Variants in ADAM7 observed in about 807,000 individuals in gnomAD.
ADAM7 encodes disintegrin and metalloproteinase domain-containing protein 7.
ADAM7 carries 97 observed loss-of-function variants against 102.9 expected under a neutral mutation model. The observed-to-expected ratio is 0.94, with a 90% CI of 0.80 to 1.12. The LOEUF is 1.12. Ranked by LOEUF, ADAM7 falls within the 50% of genes most tolerant of loss-of-function variation. The probability of loss-of-function intolerance (pLI) is 0.00; values close to 1 mark genes in which losing one functional copy is unlikely to be tolerated. For missense variants in ADAM7, 991 were observed against 908.7 expected, an observed-to-expected ratio of 1.09 and a Z score of -1.16; for synonymous variants, 334 against 304.4, an observed-to-expected ratio of 1.10 and a Z score of -1.01.
At chr8:24,451,539 G>A (rs577530225) in intron 3 of ADAM7, among the ~76,000 whole-genome samples, 5 of 151,838 alleles carry the variant, frequency 3.3e-5, no homozygotes, top group Middle Eastern at 3.4e-3. Context: ...TTCTTCTCTC[G>A]TTTCTTCTTT....
Position 24,500,137 on chromosome 8 carries a change from A to T in ADAM7, c.1924-41A>T, listed in dbSNP as rs550478998. The T allele has an allele frequency of 5.5e-5, 85 of 1,558,454 alleles. No homozygotes were observed. In the South Asian group the frequency reaches 8.8e-4, roughly 16 times the overall value. Reference sequence around the variant, plus strand: ...GTAAGTGAGTTGCAGAACACAACTTATATCAGTCATTTGAGAATATATCAT... The same window carrying T: ...GTAAGTGAGTTGCAGAACACAACTTTTATCAGTCATTTGAGAATATATCAT... On this transcript the variant is annotated intron_variant, in intron 17 of 21. Transcript: ENST00000175238.
intron 20 of ADAM7, among the ~76,000 whole-genome samples, chr8:24,502,262 T>A (rs1820788378): frequency 6.6e-6 from 1 of 152,026 alleles, no homozygotes; most frequent in South Asian, 2.1e-4. Flanking sequence ...CATGCAGGTG[T>A]AGTAAAATCA....
chr8:24,467,087 T>G, intron 6 of ADAM7, 99 bp downstream of exon 6: 1 of 1,176,096 alleles, frequency 8.5e-7, no homozygotes, highest in Non-Finnish European at 1.2e-6. Context: ...GAAATATATG[T>G]GCTACTTTCA....
chr8:24,468,935 C>T (rs1030508378), intron 7 of ADAM7, 115 bp downstream of exon 7: 15 of 946,930 alleles, frequency 1.6e-5, no homozygotes, highest in Non-Finnish European at 2.3e-5. Context: ...GCTCAAAGTC[C>T]TATTTTTAGC....
At chr8:24,474,252 C>CAGAT (rs971189135) in intron 7 of ADAM7, among the ~76,000 whole-genome samples, 4 of 152,052 alleles carry the variant, frequency 2.6e-5, no homozygotes, top group African/African-American at 4.8e-5. Context: ...AAGCACTAAA[C>CAGAT]AGATAGGCTT....
chr8:24,495,991 G>A (rs1820539517), intron 16 of ADAM7, among the ~76,000 whole-genome samples: 2 of 152,202 alleles, frequency 1.3e-5, no homozygotes, highest in South Asian at 4.1e-4. Flanking sequence ...CATGTCACAG[G>A]TCTTCATAGC....
intron 3 of ADAM7, among the ~76,000 whole-genome samples, chr8:24,460,425 G>A (rs1436377521): frequency 6.6e-6 from 1 of 151,860 alleles, no homozygotes; most frequent in African/African-American, 2.4e-5. Context: ...GATTGGCATG[G>A]TTGGAATTAT....
Position 24,485,273 on chromosome 8 carries a change from A to G in ADAM7, c.876-4A>G. The G allele has an allele frequency of 1.9e-6, 3 of 1,611,972 alleles. No individual in the cohort carries two copies. The highest frequency in any genetic ancestry group is 2.2e-5 in the South Asian group (2 of 90,728). On this transcript the variant is annotated splice_region_variant and splice_polypyrimidine_tract_variant and intron_variant, in intron 9 of 21. Transcript: ENST00000175238. ...TGAAGACTATTTTTGCATCTTTTTCATAGTGGGAAGTGGCTCTACTCACAT... is the reference window on the plus strand; with the variant it reads ...TGAAGACTATTTTTGCATCTTTTTCGTAGTGGGAAGTGGCTCTACTCACAT...
chr8:24,501,687 G>A, intron 20 of ADAM7, 111 bp downstream of exon 20: 1 of 707,018 alleles, frequency 1.4e-6, no homozygotes, highest in South Asian at 2.3e-5. Context: ...AAGTGCAGAG[G>A]AGCAATTTAA....
intron 8 of ADAM7, among the ~76,000 whole-genome samples, chr8:24,476,844 T>C (rs1233037870): frequency 6.6e-6 from 1 of 152,152 alleles, no homozygotes; most frequent in Non-Finnish European, 1.5e-5. Flanking sequence ...TAACAAAAAG[T>C]CTTAAGTTAT....
intron 7 of ADAM7, among the ~76,000 whole-genome samples, chr8:24,473,986 T>C (rs556208985): frequency 6.6e-6 from 1 of 152,222 alleles, no homozygotes; most frequent in South Asian, 2.1e-4. Context: ...AAAGTATATT[T>C]ACCAAACTCC....
intron 16 of ADAM7, among the ~76,000 whole-genome samples, chr8:24,494,442 A>G (rs187559123): frequency 6.6e-6 from 1 of 151,740 alleles, no homozygotes; most frequent in African/African-American, 2.4e-5. Flanking sequence ...TCAGATACGA[A>G]AAACCAGCCT....
At chr8:24,479,843 G>T (rs557413661) in intron 8 of ADAM7, among the ~76,000 whole-genome samples, 14 of 152,290 alleles carry the variant, frequency 9.2e-5, no homozygotes, top group South Asian at 4.1e-4. Context: ...TTTTCTTAGG[G>T]TTCAGGCACA....
At chr8:24,460,091 A>T (rs1819186693) in intron 3 of ADAM7, among the ~76,000 whole-genome samples, 1 of 152,006 alleles carries the variant, frequency 6.6e-6, no homozygotes, top group Non-Finnish European at 1.5e-5. Flanking sequence ...TGATTTTTTT[A>T]AAATGTATCT....
chr8:24,477,339 T>G (rs749468852), intron 8 of ADAM7, among the ~76,000 whole-genome samples: 27 of 152,170 alleles, frequency 1.8e-4, no homozygotes, highest in Admixed American at 3.9e-4. Context: ...TCCTTGACAA[T>G]GGAGCATCTA....
chr8:24,481,097 A>G (rs2129387982), intron 8 of ADAM7, among the ~76,000 whole-genome samples: 1 of 151,526 alleles, frequency 6.6e-6, no homozygotes, highest in East Asian at 1.9e-4. Context: ...CAAACAAACA[A>G]TTCAGGGCCA....
chr8:24,448,651 A>C (rs1818655287), intron 3 of ADAM7, among the ~76,000 whole-genome samples: 1 of 116,716 alleles, frequency 8.6e-6, no homozygotes, highest in African/African-American at 3.4e-5. Context: ...AGTTTCATTC[A>C]GCTTGTTTAT....
chr8:24,444,098 G>A (rs1818467392), intron 2 of ADAM7, among the ~76,000 whole-genome samples: 1 of 151,210 alleles, frequency 6.6e-6, no homozygotes, highest in Non-Finnish European at 1.5e-5. Context: ...AAACCACATT[G>A]AAGGGGTCTT....
Position 24,487,281 on chromosome 8 carries a change from G to C in ADAM7, c.1055G>C (p.Cys352Ser). 1 of 1,613,822 alleles carries C rather than the reference G, an allele frequency of 6.2e-7. No homozygotes were observed. Reference sequence around the variant, plus strand: ...CAGCATGACGAGTTCCCATGCACCTGTCCTTCAGGAAAATGCGTGATGGAC... The same window carrying C: ...CAGCATGACGAGTTCCCATGCACCTCTCCTTCAGGAAAATGCGTGATGGAC... The part of the protein sequence containing the change: ...GMQHDEFPCT[C>S]PSGKCVMDSD... The change falls in exon 11 of 22, where the codon TGT becomes TCT. Residue 352 changes from cysteine to serine, a missense_variant. Transcript: ENST00000175238.
Sources: gnomAD v4.1 joint callset for allele counts (sites outside exome capture counted in the v4.1 genomes callset) on GRCh38, gnomAD v4.1.1 for gene constraint, MANE v1.5 for transcripts, NCBI Gene and HGNC (gene_info 2026-07-23, HGNC 2026-07-21) for gene names.